Variants in COL24A1 observed in about 807,000 individuals in gnomAD.
COL24A1 encodes the protein collagen alpha-1(XXIV) chain.
A neutral mutation model predicts 253.9 loss-of-function variants in COL24A1; 224 were observed. That is an observed-to-expected ratio of 0.88 (90% CI 0.79 to 0.99). The LOEUF (loss-of-function observed/expected upper bound fraction) is 0.99. Ranked by LOEUF, COL24A1 falls within the 50% of genes least tolerant of loss-of-function variation. COL24A1 has a pLI of 0.00. For synonymous variants in COL24A1, 685 were observed against 673.7 expected (o/e 1.02, Z -0.26); for missense variants, 2,131 against 2,068.5 (o/e 1.03, Z -0.59).
chr1:86,006,794 A>T (rs1055332158), intron 19 of COL24A1, among the ~76,000 whole-genome samples: 4 of 152,016 alleles, frequency 2.6e-5, no homozygotes, highest in African/African-American at 4.8e-5. Context: ...CTCAACAATT[A>T]AAAAAAACAT....
At position 85,904,370 on chromosome 1, in the gene COL24A1, C is replaced by T. The variant is rs770177780; in HGVS notation, c.2778+2824G>A. ...ACAGAGGCGTATAATGGAGTAATAC[C>T]AAGGGATCAGTTGCCTAGTTCTGAA... On this transcript the variant is annotated intron_variant, in intron 28 of 59. Coordinates refer to ENST00000370571, the MANE Select transcript of COL24A1 (RefSeq NM_152890.7). Among the ~76,000 whole-genome samples the T allele has an allele frequency of 4.9e-4, 74 of 151,974 alleles. 1 individual carries two copies. Among genetic ancestry groups the T allele is most frequent in the Non-Finnish European group, 3.4e-4 (23 of 67,972 alleles).
At chr1:85,840,255 C>T (rs537960788) in intron 42 of COL24A1, among the ~76,000 whole-genome samples, 185 of 152,192 alleles carry the variant, frequency 1.2e-3, no homozygotes, top group African/African-American at 4.3e-3. Flanking sequence ...TTTCCATTTG[C>T]TTTAAGATTT....
intron 24 of COL24A1, among the ~76,000 whole-genome samples, chr1:85,956,623 A>C (rs528980102): frequency 9.8e-5 from 15 of 152,368 alleles, no homozygotes; most frequent in African/African-American, 3.4e-4. Flanking sequence ...CAATCATCTG[A>C]AAATCTTCAC....
intron 37 of COL24A1, among the ~76,000 whole-genome samples, chr1:85,864,953 A>G (rs919398755): frequency 4.6e-5 from 7 of 152,120 alleles, no homozygotes; most frequent in African/African-American, 1.7e-4. Context: ...ATGCTTCCCA[A>G]TTCTTTTCTC....
intron 5 of COL24A1, among the ~76,000 whole-genome samples, chr1:86,094,260 C>T (rs1331200871): frequency 1.3e-5 from 2 of 151,976 alleles, no homozygotes; most frequent in African/African-American, 2.4e-5. Context: ...CAATGATAGA[C>T]TGGATAAAGA....
intron 53 of COL24A1, among the ~76,000 whole-genome samples, chr1:85,774,821 A>T (rs1668357458): frequency 6.6e-6 from 1 of 152,080 alleles, no homozygotes; most frequent in Admixed American, 6.6e-5. Context: ...TCAAAATACC[A>T]GCTCCTGGAT....
intron 56 of COL24A1, 74 bp downstream of exon 56, chr1:85,745,367 G>T: frequency 5.3e-6 from 5 of 940,434 alleles, no homozygotes; most frequent in Non-Finnish European, 7.8e-6. Flanking sequence ...TCACATTTTG[G>T]CCTCCAAAAA....
chr1:85,792,034 A>G (rs1670330453), intron 47 of COL24A1, among the ~76,000 whole-genome samples: 1 of 152,102 alleles, frequency 6.6e-6, no homozygotes, highest in African/African-American at 2.4e-5. Context: ...ACTTAATTAT[A>G]TTTTTAATTT....
chr1:86,039,856 T>C (rs1421205531), intron 12 of COL24A1, among the ~76,000 whole-genome samples: 1 of 152,170 alleles, frequency 6.6e-6, no homozygotes, highest in Non-Finnish European at 1.5e-5. Flanking sequence ...TGTGAAGTAT[T>C]CTGTGATGAT....
At chr1:86,123,089 G>A (rs1303771243) in intron 3 of COL24A1, among the ~76,000 whole-genome samples, 1 of 151,930 alleles carries the variant, frequency 6.6e-6, no homozygotes, top group Non-Finnish European at 1.5e-5. Context: ...CCTGAAAAAT[G>A]AGGATAACAC....
At chr1:85,945,002 G>GATTTTT (rs1689134623) in intron 24 of COL24A1, among the ~76,000 whole-genome samples, 1 of 35,366 alleles carries the variant, frequency 2.8e-5, no homozygotes, top group African/African-American at 1.2e-4. Flanking sequence ...CTATCATTGT[G>GATTTTT]TTTTTTTTTT....
At chr1:85,922,877 T>C (rs1486330736) in intron 24 of COL24A1, among the ~76,000 whole-genome samples, 2 of 152,150 alleles carry the variant, frequency 1.3e-5, no homozygotes, top group Non-Finnish European at 2.9e-5. Flanking sequence ...ACTGGCAAAT[T>C]GGATAAAGAG....
intron 55 of COL24A1, among the ~76,000 whole-genome samples, chr1:85,758,991 C>A (rs1381855009): frequency 7.6e-5 from 2 of 26,276 alleles, no homozygotes; most frequent in African/African-American, 1.1e-4. Context: ...AGTCCCTCCC[C>A]AATATTTTTC....
At chr1:86,142,594 TG>T (rs2102398146) in intron 2 of COL24A1, among the ~76,000 whole-genome samples, 1 of 146,424 alleles carries the variant, frequency 6.8e-6, no homozygotes, top group South Asian at 2.1e-4. Flanking sequence ...TTAAACAAAA[TG>T]TTTGGAATAG....
rs564820137 is a variant in COL24A1 at position 85,819,240 on chromosome 1, C to T, written c.3790-1153G>A. 2.6e-5 allele frequency among the ~76,000 whole-genome samples: 4 copies of T among 151,682 alleles called. No homozygotes were observed. In the South Asian group the frequency reaches 8.3e-4, roughly 32 times the overall value. The stretch of plus-strand genomic sequence containing the variant: ...ATACACATTTCTAGAGCATATGATC[C>T]CTATAAGTAAAATATGTTTTTCCTA... On this transcript the variant is annotated intron_variant, in intron 45 of 59. Coordinates refer to ENST00000370571, the MANE Select transcript of COL24A1 (RefSeq NM_152890.7).
intron 2 of COL24A1, among the ~76,000 whole-genome samples, chr1:86,140,804 C>T (rs907343733): frequency 5.3e-5 from 8 of 152,178 alleles, no homozygotes. Flanking sequence ...GTATCTACAT[C>T]TGTCAAATCC....
intron 55 of COL24A1, among the ~76,000 whole-genome samples, chr1:85,748,489 A>C (rs546374527): frequency 2.6e-5 from 4 of 152,344 alleles, no homozygotes; most frequent in African/African-American, 9.6e-5. Context: ...TAAAAAATGA[A>C]ATAAAACCAT....
At chr1:85,786,292 G>T (rs1300147077) in intron 48 of COL24A1, 62 bp downstream of exon 48, 11 of 1,406,510 alleles carry the variant, frequency 7.8e-6, no homozygotes. Flanking sequence ...TCTAGCCAAT[G>T]AACTCAGGGC....
chr1:85,927,620 C>T (rs1396724150), intron 24 of COL24A1, among the ~76,000 whole-genome samples: 2 of 103,960 alleles, frequency 1.9e-5, no homozygotes, highest in African/African-American at 7.4e-5. Flanking sequence ...GGCTCCACCT[C>T]TGGGGGCAGG....
Sources: gnomAD v4.1 joint callset for allele counts (sites outside exome capture counted in the v4.1 genomes callset) on GRCh38, gnomAD v4.1.1 for gene constraint, MANE v1.5 for transcripts, NCBI Gene and HGNC (gene_info 2026-07-23, HGNC 2026-07-21) for gene names.